The following CIMAP2 variants were observed in gnomAD, a reference collection of about 807,000 sequenced individuals.
CIMAP2 encodes the protein ciliary microtubule-associated protein 2.
the CIMAP2 span, among the ~76,000 whole-genome samples, chr1:54,827,572 GCTGC>G: frequency 1.3e-5 from 2 of 152,180 alleles, no homozygotes. Context: ...CTGCCACTTA[GCTGC>G]GTGACCTGGG....
chr1:54,814,218 G>A, the CIMAP2 span, among the ~76,000 whole-genome samples: 1 of 152,110 alleles, frequency 6.6e-6, no homozygotes, highest in Non-Finnish European at 1.5e-5. Context: ...CCCTGTACTC[G>A]GAGCCTACAG....
At chr1:54,811,765 G>GCCGGGGGGGGGGGGGGGGGGCC in the CIMAP2 span, 1 of 1,301,330 alleles carries the variant, frequency 7.7e-7, no homozygotes, top group Non-Finnish European at 1.1e-6. Flanking sequence ...GGTTCTGACA[G>GCCGGGGGGGGGGGGGGGGGGCC]CCTCCATGCC....
chr1:54,828,216 C>A, the CIMAP2 span, among the ~76,000 whole-genome samples: 1 of 151,956 alleles, frequency 6.6e-6, no homozygotes, highest in Non-Finnish European at 1.5e-5. Flanking sequence ...ATTTTAAAAC[C>A]GTAGAGCTAG....
chr1:54,818,507 C>T, the CIMAP2 span, among the ~76,000 whole-genome samples: 1 of 151,822 alleles, frequency 6.6e-6, no homozygotes, highest in Non-Finnish European at 1.5e-5. Flanking sequence ...TTTTTAGTTT[C>T]CAAGAGTTCT....
At chr1:54,837,972 G>T in the CIMAP2 span, among the ~76,000 whole-genome samples, 3 of 152,184 alleles carry the variant, frequency 2.0e-5, no homozygotes, top group South Asian at 4.1e-4. Flanking sequence ...TTATAGTTGA[G>T]GATAGAGTGT....
the CIMAP2 span, among the ~76,000 whole-genome samples, chr1:54,823,836 C>G: frequency 6.6e-6 from 1 of 152,154 alleles, no homozygotes; most frequent in Non-Finnish European, 1.5e-5. Context: ...TAGGACTGGT[C>G]TAGTGGTGAA....
the CIMAP2 span, among the ~76,000 whole-genome samples, chr1:54,835,731 G>C: frequency 6.6e-6 from 1 of 152,136 alleles, no homozygotes; most frequent in South Asian, 2.1e-4. Context: ...GTCTGGTCCA[G>C]AGTGGCTCCA....
At chr1:54,817,208 T>G in the CIMAP2 span, 1 of 1,544,116 alleles carries the variant, frequency 6.5e-7, no homozygotes, top group Non-Finnish European at 8.8e-7. Context: ...CCATGTTTGG[T>G]TCCCATGGGA....
the CIMAP2 span, chr1:54,806,204 G>C: frequency 7.1e-6 from 11 of 1,541,424 alleles, no homozygotes; most frequent in South Asian, 1.3e-4. Context: ...GGCGCCCTTC[G>C]GGGTGCAGAG....
At chr1:54,819,150 C>A in the CIMAP2 span, among the ~76,000 whole-genome samples, 1 of 152,168 alleles carries the variant, frequency 6.6e-6, no homozygotes, top group Non-Finnish European at 1.5e-5. Flanking sequence ...TATTCAGCTT[C>A]TCTAGAAAAC....
chr1:54,814,231 T>C, the CIMAP2 span, among the ~76,000 whole-genome samples: 1 of 152,180 alleles, frequency 6.6e-6, no homozygotes, highest in Non-Finnish European at 1.5e-5. Context: ...GCCTACAGCA[T>C]GGTGCCTGGT....
chr1:54,837,206 C>A, the CIMAP2 span, among the ~76,000 whole-genome samples: 67 of 152,106 alleles, frequency 4.4e-4, 1 homozygote, highest in African/African-American at 1.6e-3. Context: ...ATATTTTGTT[C>A]CCCAAATGAC....
At chr1:54,834,631 A>G in the CIMAP2 span, among the ~76,000 whole-genome samples, 1 of 152,228 alleles carries the variant, frequency 6.6e-6, no homozygotes, top group East Asian at 1.9e-4. Flanking sequence ...GAATATGTGG[A>G]TATATATAAT....
chr1:54,819,822 TTC>T, the CIMAP2 span, among the ~76,000 whole-genome samples: 3 of 88,560 alleles, frequency 3.4e-5, no homozygotes, highest in Admixed American at 1.2e-4. Flanking sequence ...TTTTCTTTCT[TTC>T]TCTTTCTTTC....
the CIMAP2 span, among the ~76,000 whole-genome samples, chr1:54,828,424 C>T: frequency 6.6e-6 from 1 of 152,160 alleles, no homozygotes; most frequent in Admixed American, 6.5e-5. Flanking sequence ...GTCCACCTCC[C>T]AGGCTCAATA....
chr1:54,819,846 T>TTCTTTCTTTC, the CIMAP2 span, among the ~76,000 whole-genome samples: 2 of 113,054 alleles, frequency 1.8e-5, no homozygotes. Context: ...TTCTCTTTCT[T>TTCTTTCTTTC]TCTTTCCTTC....
the CIMAP2 span, among the ~76,000 whole-genome samples, chr1:54,829,843 T>C: frequency 4.0e-3 from 608 of 152,322 alleles, 3 homozygotes; most frequent in Non-Finnish European, 6.6e-3. Context: ...TTTGAAGATA[T>C]TAAGACTATT....
At chr1:54,811,766 C>CGGGGGGGGGGGGGGGCG in the CIMAP2 span, 2 of 1,305,190 alleles carry the variant, frequency 1.5e-6, no homozygotes, top group Non-Finnish European at 2.2e-6. Context: ...GTTCTGACAG[C>CGGGGGGGGGGGGGGGCG]CTCCATGCCC....
At chr1:54,808,951 A>G in the CIMAP2 span, among the ~76,000 whole-genome samples, 2 of 8,416 alleles carry the variant, frequency 2.4e-4, no homozygotes, top group Non-Finnish European at 3.6e-4. Flanking sequence ...TCTGCTAGGA[A>G]TGCCCTTCCT....
Sources: allele counts gnomAD v4.1 joint callset (sites outside exome capture counted in the v4.1 genomes callset), GRCh38; gene constraint gnomAD v4.1.1; transcripts MANE v1.5; gene names NCBI Gene and HGNC (gene_info 2026-07-23, HGNC 2026-07-21).